Variants in RBMS3 observed in about 807,000 individuals in gnomAD.
The protein encoded by RBMS3 is RNA binding motif single stranded interacting protein 3.
Under a neutral mutation model 66.8 loss-of-function variants are expected in RBMS3, and 27 were observed. That is an observed-to-expected ratio of 0.40 (90% CI 0.30 to 0.56). The LOEUF (loss-of-function observed/expected upper bound fraction) is 0.56, where lower values mean the gene tolerates loss of function less well. RBMS3 is among the 20% of genes least tolerant of loss of function. RBMS3 has a pLI of 0.40. For synonymous variants in RBMS3, 188 were observed against 183.0 expected (o/e 1.03, Z -0.22); for missense variants, 513 against 549.5 (o/e 0.93, Z 0.66).
At chr3:29,917,287 A>T (rs1293504169) in intron 10 of RBMS3, among the ~76,000 whole-genome samples, 1 of 152,022 alleles carries the variant, frequency 6.6e-6, no homozygotes, top group Admixed American at 6.6e-5. Flanking sequence ...GTCTTTTAGA[A>T]CCCCAGCCAT....
intron 6 of RBMS3, among the ~76,000 whole-genome samples, chr3:29,820,028 CTACTAAAAATACAAAAATTAGCTGGGT>C (rs2058031481): frequency 1.3e-5 from 2 of 151,650 alleles, no homozygotes; most frequent in Non-Finnish European, 2.9e-5. Context: ...TACCCTGTCT[CTACTAAAAATACAAAAATTAGCTGGGT>C]GTGGTGGTGC....
chr3:29,902,367 T>C (rs1039422587), intron 10 of RBMS3, among the ~76,000 whole-genome samples: 3 of 151,902 alleles, frequency 2.0e-5, no homozygotes, highest in African/African-American at 7.2e-5. Context: ...ATGAGTGTTG[T>C]TATAAGCAGA....
At chr3:29,494,151 C>T (rs1362272427) in intron 3 of RBMS3, among the ~76,000 whole-genome samples, 1 of 152,146 alleles carries the variant, frequency 6.6e-6, no homozygotes, top group Non-Finnish European at 1.5e-5. Flanking sequence ...ATGAGAAAGT[C>T]CATGAACTTG....
intron 4 of RBMS3, among the ~76,000 whole-genome samples, chr3:29,628,363 G>A (rs76804076): frequency 0.081 from 12,314 of 152,184 alleles, 894 homozygotes; most frequent in East Asian, 0.35. Context: ...AAAACTGGCT[G>A]TGTCAGTGAT....
chr3:29,748,151 C>T (rs929963338), intron 5 of RBMS3, among the ~76,000 whole-genome samples: 7 of 152,032 alleles, frequency 4.6e-5, no homozygotes, highest in Non-Finnish European at 5.9e-5. Flanking sequence ...TCAGAAAGAA[C>T]CAGCCAAGAA....
chr3:29,749,706 G>A (rs899280245), intron 5 of RBMS3, among the ~76,000 whole-genome samples: 1 of 152,108 alleles, frequency 6.6e-6, no homozygotes, highest in Admixed American at 6.5e-5. Flanking sequence ...AGAGAACCAT[G>A]TAAAAATGTA....
intron 1 of RBMS3, among the ~76,000 whole-genome samples, chr3:29,385,261 C>T (rs975109192): frequency 7.9e-5 from 12 of 152,272 alleles, no homozygotes; most frequent in Non-Finnish European, 1.0e-4. Flanking sequence ...AGCAGACCTT[C>T]GCAACTAATC....
chr3:29,402,975 C>A (rs1370090433), intron 1 of RBMS3, among the ~76,000 whole-genome samples: 1 of 151,546 alleles, frequency 6.6e-6, no homozygotes, highest in Non-Finnish European at 1.5e-5. Context: ...ACTTACTGAG[C>A]ACTTAACTTG....
chr3:29,361,815 T>C (rs901063573), intron 1 of RBMS3, among the ~76,000 whole-genome samples: 1 of 152,236 alleles, frequency 6.6e-6, no homozygotes, highest in African/African-American at 2.4e-5. Context: ...CCATCACTGA[T>C]ACCCTTTCTT....
In RBMS3 at chr3:29,846,851, T is replaced by C. The variant is rs571415289; in HGVS notation, c.638-22007T>C. On this transcript the variant is annotated intron_variant, in intron 6 of 14. Coordinates refer to ENST00000383767, the MANE Select transcript of RBMS3 (RefSeq NM_001003793.3). The stretch of plus-strand genomic sequence containing the variant: ...AACAAAGAGGAATTTTTACTAATAA[T>C]AGGTTTGTATAGCTTCCTTGTTTTA... 2.6e-5 allele frequency among the ~76,000 whole-genome samples: 4 copies of C among 152,306 alleles called. No homozygotes were observed. In the South Asian group the frequency reaches 6.2e-4, roughly 24 times the overall value.
intron 12 of RBMS3, among the ~76,000 whole-genome samples, chr3:29,975,982 G>T (rs1406516407): frequency 6.6e-6 from 1 of 151,670 alleles, no homozygotes; most frequent in East Asian, 1.9e-4. Flanking sequence ...ATATATTTAG[G>T]TCTTATTTAA....
chr3:29,738,769 C>A (rs1231312896), intron 4 of RBMS3, among the ~76,000 whole-genome samples: 3 of 152,100 alleles, frequency 2.0e-5, no homozygotes, highest in African/African-American at 7.2e-5. Context: ...CCAATAAGTT[C>A]CCAGGTGAGG....
chr3:29,820,872 G>A (rs946041703), intron 6 of RBMS3, among the ~76,000 whole-genome samples: 3 of 152,154 alleles, frequency 2.0e-5, no homozygotes, highest in Non-Finnish European at 4.4e-5. Context: ...GATTGCTTGA[G>A]CCCAGAAGAT....
rs1279000004 is a variant in RBMS3 at position 30,008,378 on chromosome 3, A to G, written c.*4516A>G. 1 of 152,126 alleles carries G rather than the reference A, an allele frequency of 6.6e-6. No homozygotes were observed. The highest frequency in any genetic ancestry group is 2.4e-5 in the African/African-American group (1 of 41,442). 9.4% of individuals were successfully genotyped at this position (152,126 alleles called of 1,614,324 possible). A position where few individuals can be genotyped will look rare whatever the true frequency, so the allele number is the denominator to read the frequency against. On this transcript the variant is annotated 3_prime_UTR_variant, in exon 15 of 15. Transcript: ENST00000383767. ...GTTTCACTAATAAATGTTTTTTTAT[A>G]TGATTTGAAATCAAGTAAAGGGACA... is the stretch of plus-strand genomic sequence containing the variant.
At chr3:29,355,285 A>G (rs995297969) in intron 1 of RBMS3, among the ~76,000 whole-genome samples, 8 of 151,196 alleles carry the variant, frequency 5.3e-5, no homozygotes, top group African/African-American at 1.7e-4. Context: ...GTTTGTCTCT[A>G]TAAGATCCCT....
intron 1 of RBMS3, among the ~76,000 whole-genome samples, chr3:29,342,279 C>G (rs2036321737): frequency 6.6e-6 from 1 of 152,002 alleles, no homozygotes; most frequent in Non-Finnish European, 1.5e-5. Context: ...TTCTGCTACT[C>G]ACAGATGTAT....
intron 4 of RBMS3, among the ~76,000 whole-genome samples, chr3:29,648,566 A>G (rs781666911): frequency 3.3e-5 from 5 of 152,006 alleles, no homozygotes; most frequent in Non-Finnish European, 7.4e-5. Context: ...AGCCACCACA[A>G]CTGGCTAGGG....
chr3:29,471,123 C>T (rs2042711043), intron 2 of RBMS3, among the ~76,000 whole-genome samples: 1 of 152,070 alleles, frequency 6.6e-6, no homozygotes, highest in Admixed American at 6.5e-5. Flanking sequence ...GTGAAACACA[C>T]AAACAAAAAA....
intron 6 of RBMS3, among the ~76,000 whole-genome samples, chr3:29,792,122 A>G (rs1470199391): frequency 1.1e-4 from 17 of 152,288 alleles, no homozygotes; most frequent in Admixed American, 9.8e-4. Context: ...TAAAATCACA[A>G]CTGTTCACTA....
Sources: gnomAD v4.1 joint callset for allele counts (sites outside exome capture counted in the v4.1 genomes callset) on GRCh38, gnomAD v4.1.1 for gene constraint, MANE v1.5 for transcripts, NCBI Gene and HGNC (gene_info 2026-07-23, HGNC 2026-07-21) for gene names.